The following UST variants were observed in gnomAD, a reference collection of about 807,000 sequenced individuals.
UST encodes uronyl 2-sulfotransferase, also known as chondroitin sulfate 2-O-sulfotransferase.
A neutral mutation model predicts 45.6 loss-of-function variants in UST; 21 were observed. The ratio of observed to expected loss-of-function variants is 0.46; its 90% confidence interval spans 0.33 to 0.66. The LOEUF is 0.66. Ranked by LOEUF, UST falls within the 30% of genes least tolerant of loss-of-function variation. UST has a pLI of 0.02. For missense variants in UST, 463 were observed against 512.4 expected (o/e 0.90, Z 0.93); for synonymous variants, 215 against 200.6 (o/e 1.07, Z -0.61).
intron 2 of UST, among the ~76,000 whole-genome samples, chr6:148,905,264 A>C (rs575922937): frequency 1.4e-4 from 22 of 152,074 alleles, no homozygotes; most frequent in African/African-American, 4.8e-4. Flanking sequence ...CTGCGAATGA[A>C]CCCCCATGTG....
chr6:149,015,228 C>T (rs573748031), intron 5 of UST, among the ~76,000 whole-genome samples: 8 of 152,178 alleles, frequency 5.3e-5, no homozygotes, highest in African/African-American at 1.2e-4. Context: ...CGGAAAAAGA[C>T]GAGCCCACAA....
chr6:148,874,078 G>C (rs9498170), intron 1 of UST, among the ~76,000 whole-genome samples: 1 of 152,268 alleles, frequency 6.6e-6, no homozygotes, highest in Non-Finnish European at 1.5e-5. Flanking sequence ...AGGTGTGTTA[G>C]CATTCCACAG....
intron 7 of UST, chr6:149,066,312 A>G (rs1382164018): frequency 6.6e-6 from 1 of 152,174 alleles, no homozygotes; most frequent in Non-Finnish European, 1.5e-5. Context: ...ACAGCTCTTC[A>G]GGAAGTTGGG....
intron 2 of UST, among the ~76,000 whole-genome samples, chr6:148,935,316 A>G (rs532244010): frequency 1.3e-5 from 2 of 152,342 alleles, no homozygotes; most frequent in African/African-American, 4.8e-5. Context: ...AATCACAGAC[A>G]TAACATTCAT....
intron 1 of UST, among the ~76,000 whole-genome samples, chr6:148,884,987 T>C (rs1358354500): frequency 6.6e-6 from 1 of 151,960 alleles, no homozygotes; most frequent in Non-Finnish European, 1.5e-5. Flanking sequence ...GAGGCAGAAA[T>C]TTGCAGGATG....
At chr6:148,904,326 A>G (rs1284424225) in intron 2 of UST, among the ~76,000 whole-genome samples, 1 of 152,196 alleles carries the variant, frequency 6.6e-6, no homozygotes, top group Non-Finnish European at 1.5e-5. Flanking sequence ...AAGTTGATAT[A>G]TATTCATGGA....
intron 7 of UST, among the ~76,000 whole-genome samples, chr6:149,064,996 C>T (rs1053906220): frequency 6.6e-6 from 1 of 152,032 alleles, no homozygotes; most frequent in African/African-American, 2.4e-5. Context: ...GCTCTGTATT[C>T]GTCTCTTTCT....
intron 1 of UST, among the ~76,000 whole-genome samples, chr6:148,795,640 C>G (rs546232791): frequency 6.6e-6 from 1 of 152,206 alleles, no homozygotes; most frequent in South Asian, 2.1e-4. Flanking sequence ...ATAGCTTCTT[C>G]CATTGGGGTT....
chr6:148,900,192 G>T (rs1362185334), intron 2 of UST, among the ~76,000 whole-genome samples: 3 of 152,092 alleles, frequency 2.0e-5, no homozygotes, highest in Non-Finnish European at 4.4e-5. Context: ...TGTCAGTGTG[G>T]AGTTGATGAA....
chr6:148,747,527 C>T lies in UST; in HGVS notation c.97C>T (p.Arg33Cys). 6.5e-7 allele frequency: 1 copy of T among 1,546,476 alleles called. No homozygotes were observed. The highest frequency in any genetic ancestry group is 8.7e-7 in the Non-Finnish European group (1 of 1,147,480). The stretch of plus-strand genomic sequence containing the variant: ...CCCTCCGGGCCTGGGCAGCTGGAAG[C>T]GTCGGGTGCCCCTGCTGCCTTTCCT... ...GAPPGLGSWK[R>C]RVPLLPFLRF... is the part of the protein sequence containing the mutation. The change falls in exon 1 of 8, where the codon CGT (arginine) becomes TGT (cysteine). Residue 33 changes from arginine (R) to cysteine (C), a missense_variant. Physicochemically the swap from Arg to Cys is radical, Grantham distance 180. Transcript: ENST00000367463.
intron 5 of UST, among the ~76,000 whole-genome samples, chr6:148,978,090 G>T (rs1781054286): frequency 6.6e-6 from 1 of 152,176 alleles, no homozygotes; most frequent in African/African-American, 2.4e-5. Flanking sequence ...CTTTAACTCA[G>T]TCACCTTAGT....
intron 1 of UST, among the ~76,000 whole-genome samples, chr6:148,870,275 G>C (rs1404244636): frequency 6.6e-6 from 1 of 152,144 alleles, no homozygotes; most frequent in Non-Finnish European, 1.5e-5. Context: ...TTCCTGTGAA[G>C]GGTGAGAGTC....
At chr6:149,070,167 A>G (rs1229819214) in intron 7 of UST, among the ~76,000 whole-genome samples, 3 of 152,190 alleles carry the variant, frequency 2.0e-5, no homozygotes. Flanking sequence ...GTGCTCTAAG[A>G]GGAAGGGATT....
chr6:149,056,728 G>T (rs1776571488), intron 7 of UST, among the ~76,000 whole-genome samples: 1 of 152,310 alleles, frequency 6.6e-6, no homozygotes, highest in South Asian at 2.1e-4. Context: ...TGGGCTACAG[G>T]TTGCCCAGAT....
At chr6:148,911,934 C>T (rs1389375511) in intron 2 of UST, among the ~76,000 whole-genome samples, 4 of 152,226 alleles carry the variant, frequency 2.6e-5, no homozygotes, top group South Asian at 4.2e-4. Context: ...TAGTGGCTCA[C>T]GCCTGTAATC....
chr6:148,878,035 TGTGTATGAGTGGGGGGTTC>T (rs1243105964), intron 1 of UST, among the ~76,000 whole-genome samples: 1 of 89,982 alleles, frequency 1.1e-5, no homozygotes, highest in African/African-American at 4.7e-5. Context: ...GTGCGGAGAT[TGTGTATGAGTGGGGGGTTC>T]GTGTATGAGT....
chr6:148,839,538 G>A (rs776958060), intron 1 of UST, among the ~76,000 whole-genome samples: 4 of 152,146 alleles, frequency 2.6e-5, no homozygotes, highest in Non-Finnish European at 5.9e-5. Flanking sequence ...TGATTTCATA[G>A]GGCTGAGGTG....
At chr6:148,920,169 A>G (rs1258988764) in intron 2 of UST, among the ~76,000 whole-genome samples, 3 of 146,012 alleles carry the variant, frequency 2.1e-5, no homozygotes, top group East Asian at 3.9e-4. Flanking sequence ...CCGGCTTGTG[A>G]TTGGCTGAGA....
rs761235996 is a variant in UST, at chr6:148,887,014, A to G, written c.276A>G (p.Gly92=). 6.2e-7 allele frequency: 1 copy of G among 1,612,940 alleles called. No homozygotes were observed. The highest frequency in any genetic ancestry group is 8.5e-7 in the Non-Finnish European group (1 of 1,179,500). Residue 92 remains glycine (G), a synonymous_variant, in exon 2 of 8, where the codon GGA becomes GGG. Transcript: ENST00000367463. ...LGNSTYLDDH[G]PPPSKVLPFP... is the part of the protein sequence containing the mutation. The stretch of plus-strand genomic sequence containing the variant: ...ATTCCACTTACTTGGATGACCATGG[A>G]CCACCTCCTAGTAAGGTAAGATCTT...
Sources: gnomAD v4.1 joint callset for allele counts (sites outside exome capture counted in the v4.1 genomes callset) on GRCh38, gnomAD v4.1.1 for gene constraint, MANE v1.5 for transcripts, NCBI Gene and HGNC (gene_info 2026-07-23, HGNC 2026-07-21) for gene names.